Variants in CC2D2A observed in about 807,000 individuals in gnomAD.
CC2D2A encodes the protein coiled-coil and C2 domain-containing protein 2A.
A neutral mutation model predicts 212.9 loss-of-function variants in CC2D2A; 155 were observed. The observed-to-expected ratio is 0.73, with a 90% confidence interval of 0.64 to 0.83. The LOEUF (loss-of-function observed/expected upper bound fraction) is 0.83, where lower values mean the gene tolerates loss of function less well. Ranked by LOEUF, CC2D2A falls within the 40% of genes least tolerant of loss-of-function variation. The probability of loss-of-function intolerance (pLI) is 0.00; values close to 1 mark genes in which losing one functional copy is unlikely to be tolerated. For missense variants in CC2D2A, 1,856 were observed against 1,956.2 expected, an observed-to-expected ratio of 0.95 and a Z score of 0.97; for synonymous variants, 667 against 686.5, an observed-to-expected ratio of 0.97 and a Z score of 0.44.
At chr4:15,497,867 T>C (rs961148060) in intron 4 of CC2D2A, among the ~76,000 whole-genome samples, 3 of 152,214 alleles carry the variant, frequency 2.0e-5, no homozygotes, top group African/African-American at 7.2e-5. Context: ...ATATGGCTTA[T>C]ATGTCAATAA....
At chr4:15,523,792 C>G (rs545156282) in intron 11 of CC2D2A, among the ~76,000 whole-genome samples, 2 of 152,166 alleles carry the variant, frequency 1.3e-5, no homozygotes, top group Non-Finnish European at 2.9e-5. Flanking sequence ...GCAGGCATGA[C>G]AGAATTCTCT....
intron 29 of CC2D2A, among the ~76,000 whole-genome samples, chr4:15,577,900 T>C (rs1003816025): frequency 3.9e-5 from 6 of 152,230 alleles, no homozygotes; most frequent in African/African-American, 1.4e-4. Flanking sequence ...TCCATACTCA[T>C]TTATCCAGAG....
chr4:15,488,336 T>G (rs1192978244), intron 4 of CC2D2A, among the ~76,000 whole-genome samples: 1 of 152,252 alleles, frequency 6.6e-6, no homozygotes, highest in East Asian at 1.9e-4. Flanking sequence ...TATAATACTC[T>G]AAGTTGGAAG....
At chr4:15,529,959 C>T (rs1291752546) in intron 13 of CC2D2A, among the ~76,000 whole-genome samples, 3 of 150,186 alleles carry the variant, frequency 2.0e-5, no homozygotes, top group African/African-American at 4.9e-5. Flanking sequence ...TTGTTACATA[C>T]GCATTTCTTT....
At chr4:15,489,104 A>G in intron 4 of CC2D2A, among the ~76,000 whole-genome samples, 1 of 152,320 alleles carries the variant, frequency 6.6e-6, no homozygotes, top group African/African-American at 2.4e-5. Context: ...CCATTCATTC[A>G]TGTTAGTTTC....
At position 15,566,986 on chromosome 4, in the gene CC2D2A, T is replaced by A. The variant is rs574020037; in HGVS notation, c.3183-391T>A. On this transcript the variant is annotated intron_variant, in intron 24 of 36. Transcript: ENST00000424120. ...CAAGACTCTATCTCAAAAATTTTTT[T>A]AAAAATAAAAATAAGGCTGGGTGCA... is the stretch of plus-strand genomic sequence containing the variant. Among the ~76,000 whole-genome samples, 74 of 151,694 alleles carry A rather than the reference T, an allele frequency of 4.9e-4. 1 individual carries two copies. In the South Asian group the frequency reaches 8.8e-3, roughly 18 times the overall value.
chr4:15,601,333 G>A lies in CC2D2A; in HGVS notation c.4771G>A (p.Val1591Ile). 1.2e-6 allele frequency: 2 copies of A among 1,610,514 alleles called. No individual in the cohort carries two copies. The highest frequency in any genetic ancestry group is 1.7e-6 in the Non-Finnish European group (2 of 1,177,936). Residue 1591 changes from valine (V) to isoleucine (I), a missense_variant, in exon 37 of 37, where the codon GTT becomes ATT. Transcript: ENST00000424120. ...AGTACATAATATTGATGTTCCTAAT[G>A]TTGAATTTGCTTTAGCTGTATACAT... is the stretch of plus-strand genomic sequence containing the variant. Reference protein sequence around the residue: ...TGVHNIDVPNVEFALAVYIHP... With the variant: ...TGVHNIDVPNIEFALAVYIHP...
At chr4:15,597,039 T>C (rs1190780039) in intron 34 of CC2D2A, among the ~76,000 whole-genome samples, 2 of 152,216 alleles carry the variant, frequency 1.3e-5, no homozygotes, top group African/African-American at 4.8e-5. Flanking sequence ...GGTACATGTA[T>C]CTGTAATAAA....
chr4:15,516,011 G>T lies in CC2D2A; in HGVS notation c.1017+7G>T, dbSNP rs137919504. The T allele has an allele frequency of 6.3e-7, 1 of 1,586,176 alleles. No individual in the cohort carries two copies. The highest frequency in any genetic ancestry group is 8.6e-7 in the Non-Finnish European group (1 of 1,166,178). On this transcript the variant is annotated splice_region_variant and intron_variant, in intron 10 of 36. Transcript: ENST00000424120. ...ATTGCTGATGCAGGACCCCGTAAGT[G>T]TGCACCCTCTGCTCTCAGGTGTAGC...
intron 14 of CC2D2A, among the ~76,000 whole-genome samples, chr4:15,536,619 C>G (rs1705695735): frequency 6.6e-6 from 1 of 152,140 alleles, no homozygotes; most frequent in African/African-American, 2.4e-5. Flanking sequence ...GCACACCACA[C>G]AGATCATTTA....
Position 15,555,055 on chromosome 4 carries a change from T to C in CC2D2A, c.2487-17T>C, listed in dbSNP as rs909380640. On this transcript the variant is annotated splice_polypyrimidine_tract_variant and intron_variant, in intron 19 of 36. Transcript: ENST00000424120. ...CTGTGGTCAAGTCAGTCTCATGGAA[T>C]CAACTCTTCTTTTCAGTGCTTTGAA... 1.9e-6 allele frequency: 3 copies of C among 1,600,908 alleles called. No individual in the cohort carries two copies. The highest frequency in any genetic ancestry group is 2.7e-5 in the African/African-American group (2 of 74,754).
intron 17 of CC2D2A, among the ~76,000 whole-genome samples, chr4:15,542,596 G>A (rs1486321821): frequency 6.6e-6 from 1 of 152,158 alleles, no homozygotes; most frequent in Non-Finnish European, 1.5e-5. Flanking sequence ...AAGTCTGCAG[G>A]TACCATCATG....
chr4:15,570,538 C>G (rs1186661862), intron 28 of CC2D2A, 42 bp downstream of exon 28: 1 of 1,365,852 alleles, frequency 7.3e-7, no homozygotes, highest in African/African-American at 1.4e-5. Context: ...CAGGGAATTT[C>G]TCTATCCATT....
chr4:15,544,839 A>G (rs1429446690), intron 17 of CC2D2A, among the ~76,000 whole-genome samples: 3 of 152,232 alleles, frequency 2.0e-5, no homozygotes, highest in African/African-American at 4.8e-5. Flanking sequence ...TGAAAAACCA[A>G]TGTGACAATA....
intron 24 of CC2D2A, among the ~76,000 whole-genome samples, chr4:15,566,408 A>G (rs1248538192): frequency 6.6e-6 from 1 of 152,146 alleles, no homozygotes; most frequent in African/African-American, 2.4e-5. Context: ...CAGGAAGCTC[A>G]GGATCTCCTA....
chr4:15,586,246 T>C lies in CC2D2A; in HGVS notation c.4065T>C (p.Asp1355=), dbSNP rs1257471748. The change falls in exon 31 of 37, where the codon GAT becomes GAC. Residue 1355 remains aspartate (D), a splice_region_variant and synonymous_variant. Transcript: ENST00000424120. The part of the protein sequence containing the change: ...GGICDLWSTS[D]QFLDLLAGDE... ...TCTGTGACCTCTGGAGCACATCTGA[T>C]GTAAGTAGTTCTTCTTCACAGATTT... 1.9e-6 allele frequency: 3 copies of C among 1,565,412 alleles called. No homozygotes were observed. In the Admixed American group the frequency reaches 5.4e-5, roughly 28 times the overall value.
At chr4:15,546,113 A>G (rs1415130930) in intron 17 of CC2D2A, among the ~76,000 whole-genome samples, 1 of 152,048 alleles carries the variant, frequency 6.6e-6, no homozygotes, top group East Asian at 1.9e-4. Context: ...CTGTCTCAAA[A>G]AAAAAATTGG....
At chr4:15,568,719 C>A (rs971351406) in intron 26 of CC2D2A, among the ~76,000 whole-genome samples, 5 of 152,216 alleles carry the variant, frequency 3.3e-5, no homozygotes, top group African/African-American at 1.2e-4. Context: ...TTACCCCAGA[C>A]ACCAGCCCTG....
chr4:15,527,736 C>A, intron 12 of CC2D2A, 80 bp downstream of exon 12: 2 of 1,035,780 alleles, frequency 1.9e-6, no homozygotes, highest in East Asian at 2.6e-5. Flanking sequence ...TTTCTAACAG[C>A]AAAATGTTCA....
Sources: gnomAD v4.1 joint callset for allele counts (sites outside exome capture counted in the v4.1 genomes callset) on GRCh38, gnomAD v4.1.1 for gene constraint, MANE v1.5 for transcripts, NCBI Gene and HGNC (gene_info 2026-07-23, HGNC 2026-07-21) for gene names.